Variants in CFAP58 observed in about 807,000 individuals in gnomAD.
CFAP58 encodes the protein cilia and flagella associated protein 58, also known as cilia- and flagella-associated protein 58.
CFAP58 carries 88 observed loss-of-function variants against 119.5 expected under a neutral mutation model. That is an observed-to-expected ratio of 0.74 (90% CI 0.62 to 0.88). The LOEUF (loss-of-function observed/expected upper bound fraction) is 0.88, where lower values mean the gene tolerates loss of function less well. CFAP58 is among the 40% of genes least tolerant of loss of function. The pLI is 0.00. For missense variants in CFAP58, 990 were observed against 1,021.2 expected, an observed-to-expected ratio of 0.97 and a Z score of 0.42; for synonymous variants, 365 against 366.3, an observed-to-expected ratio of 1.00 and a Z score of 0.04.
intron 14 of CFAP58, among the ~76,000 whole-genome samples, chr10:104,404,527 G>T (rs904382782): frequency 1.3e-5 from 2 of 152,200 alleles, no homozygotes; most frequent in African/African-American, 4.8e-5. Context: ...GAATGATCAG[G>T]GTATTGGGAG....
rs2013258995 is a variant in CFAP58 at position 104,455,062 on chromosome 10, A to C, written c.*532A>C. On this transcript the variant is annotated 3_prime_UTR_variant, in exon 18 of 18. Transcript: ENST00000369704. ...TCTATTCCAAAGAGACACACTAATAAATACTTCATTATAAAAAATAAAAAA... is the reference window on the plus strand; with the variant it reads ...TCTATTCCAAAGAGACACACTAATACATACTTCATTATAAAAAATAAAAAA... 1 of 152,238 alleles carries C rather than the reference A, an allele frequency of 6.6e-6. No homozygotes were observed. Among genetic ancestry groups the C allele is most frequent in the Non-Finnish European group, 1.5e-5 (1 of 68,068 alleles). The allele number at this position is 152,238 out of a possible 1,614,324, so 9.4% of individuals were successfully genotyped here.
rs767830226 is a variant in CFAP58, at chr10:104,358,638, G to T, written c.291+16G>T. On this transcript the variant is annotated intron_variant, in intron 2 of 17. Transcript: ENST00000369704. ...CCTAAAGAAGGTCAGTGATCTTCTA[G>T]AAATGGAATGAACCTGAATTTAAAA... The T allele has an allele frequency of 1.3e-6, 2 of 1,597,836 alleles. No homozygotes were observed. The highest frequency in any genetic ancestry group is 3.4e-5 in the Admixed American group (2 of 58,220).
At chr10:104,453,586 C>T (rs2013227579) in intron 17 of CFAP58, among the ~76,000 whole-genome samples, 1 of 152,178 alleles carries the variant, frequency 6.6e-6, no homozygotes, top group Non-Finnish European at 1.5e-5. Flanking sequence ...TTCCAAAAGA[C>T]AGTTTGTTCC....
intron 2 of CFAP58, among the ~76,000 whole-genome samples, chr10:104,360,686 A>G (rs1272393555): frequency 6.6e-6 from 1 of 152,038 alleles, no homozygotes; most frequent in Non-Finnish European, 1.5e-5. Flanking sequence ...CTATGTGTCC[A>G]TGTGTTCTCA....
intron 15 of CFAP58, among the ~76,000 whole-genome samples, chr10:104,411,935 C>CA (rs1564896755): frequency 6.6e-6 from 1 of 152,168 alleles, no homozygotes; most frequent in Non-Finnish European, 1.5e-5. Flanking sequence ...ACAGGCCCAG[C>CA]ACCTTATCCT....
At chr10:104,418,517 C>T (rs11192049) in intron 15 of CFAP58, among the ~76,000 whole-genome samples, 9,307 of 152,152 alleles carry the variant, frequency 0.061, 676 homozygotes, top group African/African-American at 0.17. Flanking sequence ...CACTGCAGTC[C>T]GGCCTGGGTG....
rs770599815 is a variant in CFAP58, at chr10:104,400,601, A to G, written c.1816-79A>G. 713 of 1,196,160 alleles carry G rather than the reference A, an allele frequency of 6.0e-4. 3 individuals carry two copies. The Middle Eastern group carries it at 9.1e-3, about 15-fold the overall frequency. 74.1% of individuals were successfully genotyped at this position (1,196,160 alleles called of 1,614,324 possible). A position where few individuals can be genotyped will look rare whatever the true frequency, so the allele number is the denominator to read the frequency against. ...ACATGTGGGCGTTCAATAGATACTC[A>G]TTGAATGAATGGTGCTGTCACAGTG... On this transcript the variant is annotated intron_variant, in intron 12 of 17. Transcript: ENST00000369704.
chr10:104,427,521 G>T (rs1279449665), intron 15 of CFAP58, among the ~76,000 whole-genome samples: 2 of 152,094 alleles, frequency 1.3e-5, no homozygotes, highest in Non-Finnish European at 2.9e-5. Context: ...ACATTTGTCT[G>T]ATAAGTTATA....
At chr10:104,379,894 G>A (rs2011748246) in intron 8 of CFAP58, 135 bp from the exon 9 acceptor site, 6 of 820,430 alleles carry the variant, frequency 7.3e-6, no homozygotes, top group Middle Eastern at 2.4e-4. Flanking sequence ...TTAATAAGCT[G>A]TAGAGAATAT....
At chr10:104,430,610 T>A (rs187016496) in intron 15 of CFAP58, among the ~76,000 whole-genome samples, 9 of 152,332 alleles carry the variant, frequency 5.9e-5, no homozygotes, top group African/African-American at 2.2e-4. Context: ...CTTTTTCATC[T>A]AGTTTCATGC....
At chr10:104,362,400 A>G (rs1275263987) in intron 3 of CFAP58, among the ~76,000 whole-genome samples, 1 of 152,180 alleles carries the variant, frequency 6.6e-6, no homozygotes, top group Non-Finnish European at 1.5e-5. Flanking sequence ...CCTCCATAGG[A>G]ATCAGTAGTA....
At chr10:104,449,530 G>A (rs151290969) in intron 16 of CFAP58, among the ~76,000 whole-genome samples, 5 of 152,214 alleles carry the variant, frequency 3.3e-5, no homozygotes, top group African/African-American at 1.2e-4. Flanking sequence ...GCTTTGAAGA[G>A]TCCCGAAGAA....
chr10:104,390,701 G>C (rs2012022912), intron 9 of CFAP58, among the ~76,000 whole-genome samples: 1 of 152,180 alleles, frequency 6.6e-6, no homozygotes, highest in African/African-American at 2.4e-5. Context: ...TGTTAACCTA[G>C]TTTTGTTTTG....
chr10:104,383,062 A>G (rs766950401), intron 9 of CFAP58, among the ~76,000 whole-genome samples: 3 of 152,118 alleles, frequency 2.0e-5, no homozygotes, highest in Non-Finnish European at 4.4e-5. Context: ...CATGAAAGGC[A>G]CAGCAGTTGG....
chr10:104,396,295 G>T (rs1386940307), intron 11 of CFAP58, among the ~76,000 whole-genome samples: 1 of 151,742 alleles, frequency 6.6e-6, no homozygotes, highest in Non-Finnish European at 1.5e-5. Flanking sequence ...CCACATTAGA[G>T]CCTGGCTTCA....
At chr10:104,397,583 T>A (rs2012187757) in intron 11 of CFAP58, among the ~76,000 whole-genome samples, 2 of 152,178 alleles carry the variant, frequency 1.3e-5, no homozygotes, top group African/African-American at 4.8e-5. Flanking sequence ...GTTTCCATCA[T>A]CTTGGTGTCA....
At chr10:104,413,757 C>T (rs1413876150) in intron 15 of CFAP58, among the ~76,000 whole-genome samples, 1 of 146,502 alleles carries the variant, frequency 6.8e-6, no homozygotes, top group Non-Finnish European at 1.5e-5. Flanking sequence ...ATCAAGATGG[C>T]ATTTCTAATA....
chr10:104,411,429 GTTC>G (rs1371026131), intron 15 of CFAP58, among the ~76,000 whole-genome samples: 53 of 152,108 alleles, frequency 3.5e-4, no homozygotes, highest in African/African-American at 1.2e-3. Flanking sequence ...TAATCTGAGT[GTTC>G]TATTATTGAA....
intron 9 of CFAP58, among the ~76,000 whole-genome samples, chr10:104,381,905 A>C (rs758911280): frequency 1.2e-4 from 19 of 152,166 alleles, no homozygotes; most frequent in African/African-American, 2.4e-4. Flanking sequence ...CCATCTTAGA[A>C]GCTCCAGTGA....
Sources: allele counts gnomAD v4.1 joint callset (sites outside exome capture counted in the v4.1 genomes callset), GRCh38; gene constraint gnomAD v4.1.1; transcripts MANE v1.5; gene names NCBI Gene and HGNC (gene_info 2026-07-23, HGNC 2026-07-21).